The following RUFY1 variants were observed in gnomAD, a reference collection of about 807,000 sequenced individuals.
The protein encoded by RUFY1 is RUN and FYVE domain containing 1, also known as RUN and FYVE domain-containing protein 1.
Under a neutral mutation model 94.6 loss-of-function variants are expected in RUFY1, and 54 were observed. The ratio of observed to expected loss-of-function variants is 0.57; its 90% CI spans 0.46 to 0.72. The LOEUF (loss-of-function observed/expected upper bound fraction) is 0.72. Ranked by LOEUF, RUFY1 falls within the 30% of genes least tolerant of loss-of-function variation. The pLI is 0.00. For synonymous variants in RUFY1, 396 were observed against 347.3 expected (o/e 1.14, Z -1.56); for missense variants, 883 against 883.9 (o/e 1.00, Z 0.01).
chr5:179,582,547 A>G (rs1191412838), intron 7 of RUFY1, among the ~76,000 whole-genome samples: 1 of 152,080 alleles, frequency 6.6e-6, no homozygotes, highest in Non-Finnish European at 1.5e-5. Context: ...TTCATAATTC[A>G]ATTATCCTTT....
At chr5:179,608,567 C>T (rs1581584889) in intron 17 of RUFY1, 3 of 985,508 alleles carry the variant, frequency 3.0e-6, no homozygotes, top group Non-Finnish European at 3.6e-6. Context: ...CAGACTCTTC[C>T]TGTAACATGG....
At chr5:179,601,238 G>A (rs1190120736) in intron 14 of RUFY1, among the ~76,000 whole-genome samples, 1 of 151,756 alleles carries the variant, frequency 6.6e-6, no homozygotes, top group Non-Finnish European at 1.5e-5. Flanking sequence ...GCACCATCTC[G>A]GCTCACTGCA....
At chr5:179,606,773 A>T (rs1046509859) in intron 16 of RUFY1, 22 of 152,390 alleles carry the variant, frequency 1.4e-4, no homozygotes, top group African/African-American at 5.3e-4. Context: ...TGTCAGGATG[A>T]ATGTCCTGGG....
At chr5:179,605,961 C>G (rs756671425) in intron 16 of RUFY1, 37 bp downstream of exon 16, 1 of 1,394,328 alleles carries the variant, frequency 7.2e-7, no homozygotes. Context: ...TTGCTGTCAG[C>G]TTGTGCTGAC....
At chr5:179,552,691 G>T (rs1761922759) in intron 1 of RUFY1, among the ~76,000 whole-genome samples, 1 of 152,146 alleles carries the variant, frequency 6.6e-6, no homozygotes, top group African/African-American at 2.4e-5. Flanking sequence ...GCAGGAGTAA[G>T]CAAATAATAA....
intron 5 of RUFY1, 125 bp from the exon 6 acceptor site, chr5:179,576,950 A>C (rs1320197707): frequency 7.3e-6 from 5 of 686,258 alleles, no homozygotes; most frequent in Non-Finnish European, 1.3e-5. Context: ...CACTTCATAG[A>C]GCTGGCTGAC....
chr5:179,583,774 G>C (rs1324262962), intron 7 of RUFY1, among the ~76,000 whole-genome samples: 1 of 148,522 alleles, frequency 6.7e-6, no homozygotes, highest in Non-Finnish European at 1.5e-5. Context: ...TTTTGAGACA[G>C]AGTCCTGCTC....
Position 179,589,236 on chromosome 5 carries a change from G to T in RUFY1, c.1027-310G>T, listed in dbSNP as rs11959684. ...CTATTTCCCTAATAGTGAACATTCA[G>T]GCTGTTTCTAATTTTTTGTGTCTAT... On this transcript the variant is annotated intron_variant, in intron 8 of 17. Transcript: ENST00000319449. 2.8e-3 allele frequency: 907 copies of T among 328,142 alleles called. 13 individuals are homozygous for T. The highest frequency in any genetic ancestry group is 0.018 in the African/African-American group (861 of 46,646). The allele number at this position is 328,142 out of a possible 1,614,324, so 20.3% of individuals were successfully genotyped here. A position where few individuals can be genotyped will look rare whatever the true frequency, so the allele number is the denominator to read the frequency against.
At chr5:179,590,050 T>G (rs534911704) in intron 9 of RUFY1, among the ~76,000 whole-genome samples, 1 of 152,130 alleles carries the variant, frequency 6.6e-6, no homozygotes. Flanking sequence ...ACATGATGAC[T>G]TGAGGATAGA....
intron 1 of RUFY1, among the ~76,000 whole-genome samples, chr5:179,556,792 G>A (rs895234009): frequency 3.3e-5 from 5 of 152,154 alleles, no homozygotes; most frequent in African/African-American, 4.8e-5. Flanking sequence ...GAGCCACCAC[G>A]CCCAGCCAAT....
intron 5 of RUFY1, among the ~76,000 whole-genome samples, chr5:179,573,540 T>C (rs1010252087): frequency 6.6e-6 from 1 of 152,164 alleles, no homozygotes; most frequent in Non-Finnish European, 1.5e-5. Context: ...TTCTTTTTTT[T>C]GAGATGGAGT....
At chr5:179,609,046 C>T (rs558907602) in intron 17 of RUFY1, among the ~76,000 whole-genome samples, 106 of 151,650 alleles carry the variant, frequency 7.0e-4, no homozygotes, top group Non-Finnish European at 9.4e-4. Context: ...GGTGAAACCC[C>T]GTCTCTACTA....
chr5:179,591,910 A>G (rs963806391), intron 10 of RUFY1, among the ~76,000 whole-genome samples, 169 bp downstream of exon 10: 1 of 151,858 alleles, frequency 6.6e-6, no homozygotes, highest in Non-Finnish European at 1.5e-5. Flanking sequence ...GTGCATTGTC[A>G]CTCATATTTT....
At chr5:179,570,282 A>G (rs1328805740) in intron 5 of RUFY1, among the ~76,000 whole-genome samples, 5 of 152,212 alleles carry the variant, frequency 3.3e-5, no homozygotes, top group East Asian at 1.9e-4. Context: ...AGAAAGCTCA[A>G]TCTAGCAGCC....
chr5:179,550,616 T>TGGAGAC lies in RUFY1; in HGVS notation c.51_52insACGGAG (p.Glu17_Pro18insThrGlu). 7.7e-7 allele frequency: 1 copy of TGGAGAC among 1,302,408 alleles called. No homozygotes were observed. The highest frequency in any genetic ancestry group is 3.8e-5 in the East Asian group (1 of 26,176). The allele number at this position is 1,302,408 out of a possible 1,614,324, so 80.7% of individuals were successfully genotyped here. Reference sequence around the variant, plus strand: ...TGCGCTGCTGGGCGGGGGCGGGAGCTGGAGCCGGAGCTGGAGCCGGGGCCG... The same window carrying TGGAGAC: ...TGCGCTGCTGGGCGGGGGCGGGAGCTGGAGACGGAGCCGGAGCTGGAGCCGGGGCCG... On this transcript the variant is annotated inframe_insertion, in exon 1 of 18. Coordinates refer to ENST00000319449, the MANE Select transcript of RUFY1 (RefSeq NM_025158.5).
At chr5:179,552,290 A>T (rs1761905392) in intron 1 of RUFY1, among the ~76,000 whole-genome samples, 1 of 151,978 alleles carries the variant, frequency 6.6e-6, no homozygotes, top group Non-Finnish European at 1.5e-5. Context: ...TGCCAACTTC[A>T]TAGAAAATGC....
intron 6 of RUFY1, among the ~76,000 whole-genome samples, chr5:179,578,797 A>G (rs1409162460): frequency 6.6e-6 from 1 of 151,944 alleles, no homozygotes; most frequent in Non-Finnish European, 1.5e-5. Context: ...GACATGTGCC[A>G]CCATGCCTGG....
chr5:179,583,541 C>G lies in RUFY1; in HGVS notation c.957-2255C>G, dbSNP rs1302430468. ...ACGCCATTCTCCTGCCTCAGCCTCT[C>G]GAGTAGCTGGAACTACAGGCACCTG... On this transcript the variant is annotated intron_variant, in intron 7 of 17. Coordinates refer to ENST00000319449, the MANE Select transcript of RUFY1 (RefSeq NM_025158.5). 6.8e-5 allele frequency among the ~76,000 whole-genome samples: 10 copies of G among 146,268 alleles called. No individual in the cohort carries two copies. In the Admixed American group the frequency reaches 6.9e-4, roughly 10 times the overall value.
chr5:179,604,325 C>T (rs6867485), intron 15 of RUFY1, among the ~76,000 whole-genome samples: 2,106 of 152,326 alleles, frequency 0.014, 50 homozygotes, highest in African/African-American at 0.045. Flanking sequence ...ACATTAGCTA[C>T]AGGAACAGTT....
Sources: gnomAD v4.1 joint callset for allele counts (sites outside exome capture counted in the v4.1 genomes callset) on GRCh38, gnomAD v4.1.1 for gene constraint, MANE v1.5 for transcripts, NCBI Gene and HGNC (gene_info 2026-07-23, HGNC 2026-07-21) for gene names.